BMF: variants seen among roughly 807,000 people sequenced by gnomAD.
BMF encodes the protein bcl-2-modifying factor.
Under a neutral mutation model 22.0 loss-of-function variants are expected in BMF, and 10 were observed. That is an observed-to-expected ratio of 0.45 (90% confidence interval 0.28 to 0.77). The LOEUF (loss-of-function observed/expected upper bound fraction) is 0.77. Ranked by LOEUF, BMF falls within the 30% of genes least tolerant of loss-of-function variation. The pLI is 0.13. For synonymous variants in BMF, 87 were observed against 88.1 expected (o/e 0.99, Z 0.07); for missense variants, 206 against 226.8 (o/e 0.91, Z 0.59).
chr15:40,101,421 T>C (rs924571021), intron 4 of BMF, among the ~76,000 whole-genome samples: 18 of 152,168 alleles, frequency 1.2e-4, no homozygotes, highest in African/African-American at 3.9e-4. Context: ...TGAAAACTAG[T>C]AGATGGCAGA....
At chr15:40,093,841 A>G (rs2036299567) in intron 4 of BMF, among the ~76,000 whole-genome samples, 1 of 152,246 alleles carries the variant, frequency 6.6e-6, no homozygotes, top group South Asian at 2.1e-4. Flanking sequence ...AGGGTGGTCC[A>G]TGGACTAGCA....
At chr15:40,092,928 G>A (rs796616026) in intron 4 of BMF, among the ~76,000 whole-genome samples, 1 of 152,224 alleles carries the variant, frequency 6.6e-6, no homozygotes, top group African/African-American at 2.4e-5. Context: ...AAAGGAGCCA[G>A]CACGGGCTGG....
chr15:40,105,600 A>G (rs2036569651), intron 3 of BMF, among the ~76,000 whole-genome samples, 195 bp downstream of exon 3: 1 of 152,194 alleles, frequency 6.6e-6, no homozygotes, highest in South Asian at 2.1e-4. Flanking sequence ...GGAGGGGACA[A>G]TTTGCCCTTT....
chr15:40,106,094 G>A lies in BMF; in HGVS notation c.-5-3C>T, dbSNP rs1047169544. On this transcript the variant is annotated splice_polypyrimidine_tract_variant and splice_region_variant and intron_variant, in intron 2 of 4. Transcript: ENST00000354670. This position sits in a 1 kb window ranked among gnomAD's most constrained non-coding sequence, Gnocchi z 4.1. Reference sequence around the variant, plus strand: ...ACACTGAGATGGCTCCATCTCTCCTGTGAGGGGGCAACGCAGGCATCTGGG... The same window carrying A: ...ACACTGAGATGGCTCCATCTCTCCTATGAGGGGGCAACGCAGGCATCTGGG... 1 of 1,587,852 alleles carries A rather than the reference G, an allele frequency of 6.3e-7. No individual in the cohort carries two copies. The highest frequency in any genetic ancestry group is 8.6e-7 in the Non-Finnish European group (1 of 1,165,874).
chr15:40,099,053 C>G (rs538908703), intron 4 of BMF, among the ~76,000 whole-genome samples: 1 of 152,330 alleles, frequency 6.6e-6, no homozygotes, highest in African/African-American at 2.4e-5. Context: ...TGGCACTGTC[C>G]TAGGTGGGCC....
At chr15:40,096,153 C>CTTTT (rs532459310) in intron 4 of BMF, among the ~76,000 whole-genome samples, 11 of 115,126 alleles carry the variant, frequency 9.6e-5, no homozygotes, top group Non-Finnish European at 1.1e-4. Context: ...AAAAGGCCTC[C>CTTTT]TTTTTTTTTT....
chr15:40,099,229 A>C (rs1485309061), intron 4 of BMF, among the ~76,000 whole-genome samples: 1 of 152,234 alleles, frequency 6.6e-6, no homozygotes, highest in Non-Finnish European at 1.5e-5. Context: ...CCAAAGTGTC[A>C]GGAAGCAATC....
chr15:40,102,090 T>C (rs77880489), intron 4 of BMF, among the ~76,000 whole-genome samples: 7,796 of 152,152 alleles, frequency 0.051, 288 homozygotes, highest in Non-Finnish European at 0.075. Context: ...AACCTGTGCA[T>C]GCAAAGAGGC....
intron 4 of BMF, among the ~76,000 whole-genome samples, chr15:40,099,042 C>T (rs573232117): frequency 6.6e-6 from 1 of 152,382 alleles, no homozygotes; most frequent in African/African-American, 2.4e-5. Flanking sequence ...CATTCTTCCC[C>T]TGGCACTGTC....
chr15:40,091,763 C>A lies in BMF; in HGVS notation c.*24G>T. 2 of 1,549,170 alleles carry A rather than the reference C, an allele frequency of 1.3e-6. No individual in the cohort carries two copies. The highest frequency in any genetic ancestry group is 8.8e-7 in the Non-Finnish European group (1 of 1,130,366). On this transcript the variant is annotated 3_prime_UTR_variant, in exon 5 of 5. Coordinates refer to ENST00000354670, the MANE Select transcript of BMF (RefSeq NM_001003940.2). Reference sequence around the variant, plus strand: ...TGTTCCAGACGGTGTTCCTGGTGCCCCATGTGAAGAGGGCAGCCCACCCTC... The same window carrying A: ...TGTTCCAGACGGTGTTCCTGGTGCCACATGTGAAGAGGGCAGCCCACCCTC...
chr15:40,092,150 T>C (rs2036248088), intron 4 of BMF, among the ~76,000 whole-genome samples: 1 of 152,156 alleles, frequency 6.6e-6, no homozygotes, highest in African/African-American at 2.4e-5. Context: ...ACAAGAGGAT[T>C]AAGCTTTTTC....
chr15:40,096,721 C>T (rs1156544822), intron 4 of BMF, among the ~76,000 whole-genome samples: 1 of 152,182 alleles, frequency 6.6e-6, no homozygotes, highest in Non-Finnish European at 1.5e-5. Context: ...AATAGCATTA[C>T]CTTTTTCAAA....
At chr15:40,092,908 T>C (rs1342595538) in intron 4 of BMF, among the ~76,000 whole-genome samples, 1 of 152,162 alleles carries the variant, frequency 6.6e-6, no homozygotes, top group Non-Finnish European at 1.5e-5. Flanking sequence ...AATAAAAACC[T>C]AGTGTGCAGA....
chr15:40,094,669 C>T (rs2036317971), intron 4 of BMF, among the ~76,000 whole-genome samples: 1 of 152,206 alleles, frequency 6.6e-6, no homozygotes, highest in Admixed American at 6.5e-5. Flanking sequence ...CTCCCAGACC[C>T]ACTGGGTCAG....
Position 40,090,395 on chromosome 15 carries a change from T to C in BMF, c.*1392A>G, listed in dbSNP as rs1178414993. The stretch of plus-strand genomic sequence containing the variant: ...TTTCCTTTGGGCCTTACTTCACTGT[T>C]AGCACCAATGTTGTCTTTTCTCACA... On this transcript the variant is annotated 3_prime_UTR_variant, in exon 5 of 5. Coordinates refer to ENST00000354670, the MANE Select transcript of BMF (RefSeq NM_001003940.2). The C allele has an allele frequency of 6.5e-6, 1 of 152,706 alleles. No homozygotes were observed. The highest frequency in any genetic ancestry group is 1.5e-5 in the Non-Finnish European group (1 of 68,044). The allele number at this position is 152,706 out of a possible 1,614,324, so 9.5% of individuals were successfully genotyped here.
At chr15:40,093,991 A>T (rs2036303257) in intron 4 of BMF, among the ~76,000 whole-genome samples, 1 of 152,198 alleles carries the variant, frequency 6.6e-6, no homozygotes, top group Non-Finnish European at 1.5e-5. Context: ...GACTGAACCT[A>T]GACCATCTGG....
chr15:40,105,823 C>A lies in BMF; in HGVS notation c.264G>T (p.Val88=). The change falls in exon 3 of 5, where the codon GTG becomes GTT. Residue 88 remains valine, a synonymous_variant. Coordinates refer to ENST00000354670, the MANE Select transcript of BMF (RefSeq NM_001003940.2). ...AAAAGAGTCGCTGGGGTTCCTCAGT[C>A]ACCCCACAAGGCAGCATGACACCTT... The part of the protein sequence containing the change: ...PSQGVMLPCG[V]TEEPQRLFYG... The A allele has an allele frequency of 6.2e-7, 1 of 1,611,738 alleles. No homozygotes were observed. The highest frequency in any genetic ancestry group is 1.1e-5 in the South Asian group (1 of 90,840).
In BMF at chr15:40,108,877, A is replaced by G. The variant is rs1217942461; in HGVS notation, c.-238T>C. The G allele has an allele frequency of 6.5e-6, 1 of 152,970 alleles. No individual in the cohort carries two copies. Among genetic ancestry groups the G allele is most frequent in the Admixed American group, 6.5e-5 (1 of 15,268 alleles). The allele number at this position is 152,970 out of a possible 1,614,324, so 9.5% of individuals were successfully genotyped here. ...CCGCACGGTGCGGTATTGTTTCCAA[A>G]ATACGCCTGCTCGGGGCATCCCGCA... On this transcript the variant is annotated 5_prime_UTR_variant, in exon 1 of 5. Transcript: ENST00000354670.
chr15:40,100,746 T>C (rs1434849678), intron 4 of BMF, among the ~76,000 whole-genome samples: 2 of 152,172 alleles, frequency 1.3e-5, no homozygotes, highest in African/African-American at 4.8e-5. Context: ...CCAGGGAAAC[T>C]TGGAACCTGT....
Sources: allele counts gnomAD v4.1 joint callset (sites outside exome capture counted in the v4.1 genomes callset), GRCh38; gene constraint gnomAD v4.1.1; non-coding constraint Gnocchi (gnomAD v3.1); transcripts MANE v1.5; gene names NCBI Gene and HGNC (gene_info 2026-07-23, HGNC 2026-07-21).